The following GNB4 variants were observed in gnomAD, a reference collection of about 807,000 sequenced individuals.
The protein encoded by GNB4 is guanine nucleotide-binding protein subunit beta-4.
Under a neutral mutation model 45.2 loss-of-function variants are expected in GNB4, and 28 were observed. The observed-to-expected ratio is 0.62, with a 90% CI of 0.46 to 0.85. The LOEUF is 0.85. GNB4 is among the 40% of genes least tolerant of loss of function. The probability of loss-of-function intolerance (pLI) is 0.00; values close to 1 mark genes in which losing one functional copy is unlikely to be tolerated. For missense variants in GNB4, 321 were observed against 425.4 expected (o/e 0.75, Z 2.16); for synonymous variants, 132 against 143.7 (o/e 0.92, Z 0.58).
chr3:179,472,105 G>A, the GNB4 span, among the ~76,000 whole-genome samples: 2 of 151,664 alleles, frequency 1.3e-5, no homozygotes, highest in African/African-American at 4.8e-5. Flanking sequence ...TAAACGTAAA[G>A]GTAAACTCAC....
At chr3:179,522,942 G>A in the GNB4 span, among the ~76,000 whole-genome samples, 2 of 152,160 alleles carry the variant, frequency 1.3e-5, no homozygotes, top group African/African-American at 4.8e-5. Context: ...GTTGGGATGA[G>A]TTAGGGAGAG....
chr3:179,524,259 G>A, the GNB4 span, among the ~76,000 whole-genome samples: 1 of 152,246 alleles, frequency 6.6e-6, no homozygotes, highest in Non-Finnish European at 1.5e-5. Context: ...GGTTCCAGGG[G>A]CTCTGGGAGT....
chr3:179,425,766 C>T (rs1715130407), intron 2 of GNB4, among the ~76,000 whole-genome samples: 1 of 152,160 alleles, frequency 6.6e-6, no homozygotes, highest in African/African-American at 2.4e-5. Context: ...CCACTGTGCC[C>T]ACCCTAATGA....
At chr3:179,421,730 C>G (rs751751425) in intron 2 of GNB4, among the ~76,000 whole-genome samples, 13 of 152,366 alleles carry the variant, frequency 8.5e-5, no homozygotes, top group Admixed American at 5.2e-4. Context: ...CATGATCTTT[C>G]TGGCTGCCCT....
rs1714438192 is a variant in GNB4 at position 179,405,420 on chromosome 3, TAACA to T, written c.700-18_700-15del. On this transcript the variant is annotated splice_polypyrimidine_tract_variant and intron_variant, in intron 8 of 9. Coordinates refer to ENST00000232564, the MANE Select transcript of GNB4 (RefSeq NM_021629.4). ...ATTTGGGAAAAACTAGACAGGAAAGTAACAAACATTTATTCTACAGATGTATGCA... is the reference window on the plus strand; with the variant it reads ...ATTTGGGAAAAACTAGACAGGAAAGTAACATTTATTCTACAGATGTATGCA... The T allele has an allele frequency of 6.4e-7, 1 of 1,554,832 alleles. No individual in the cohort carries two copies. The highest frequency in any genetic ancestry group is 8.9e-7 in the Non-Finnish European group (1 of 1,129,548).
Position 179,405,309 on chromosome 3 carries a change from T to C in GNB4, c.797A>G (p.His266Arg), listed in dbSNP as rs375559586. ...RADQELLLYS[H>R]DNIICGITSV... ...AGTGATTCCACAGATGATATTGTCATGAGAATACAATAATAACTCTTGATC... is the reference window on the plus strand; with the variant it reads ...AGTGATTCCACAGATGATATTGTCACGAGAATACAATAATAACTCTTGATC... Residue 266 changes from histidine (H) to arginine (R), a missense_variant, in exon 9 of 10, where the codon CAT becomes CGT. Coordinates refer to ENST00000232564, the MANE Select transcript of GNB4 (RefSeq NM_021629.4). 42 of 1,614,044 alleles carry C rather than the reference T, an allele frequency of 2.6e-5. No individual in the cohort carries two copies. Among genetic ancestry groups the C allele is most frequent in the Non-Finnish European group, 3.4e-5 (40 of 1,180,014 alleles).
the GNB4 span, among the ~76,000 whole-genome samples, chr3:179,512,271 A>G: frequency 6.6e-6 from 1 of 152,246 alleles, no homozygotes; most frequent in South Asian, 2.1e-4. Flanking sequence ...CATTAAGAGC[A>G]TCTTCCTTTT....
At chr3:179,407,040 T>C (rs1344646377) in intron 8 of GNB4, among the ~76,000 whole-genome samples, 1 of 152,260 alleles carries the variant, frequency 6.6e-6, no homozygotes, top group Non-Finnish European at 1.5e-5. Context: ...CCAGCCAAAA[T>C]GGAGCAACAG....
intron 2 of GNB4, among the ~76,000 whole-genome samples, chr3:179,423,464 C>T (rs1175439526): frequency 6.6e-6 from 1 of 152,212 alleles, no homozygotes; most frequent in Non-Finnish European, 1.5e-5. Flanking sequence ...TCTTGCTTCA[C>T]AGCAAAGATA....
chr3:179,421,179 C>G (rs370468749), intron 2 of GNB4, among the ~76,000 whole-genome samples: 1 of 152,050 alleles, frequency 6.6e-6, no homozygotes, highest in Non-Finnish European at 1.5e-5. Context: ...TTTACATCAC[C>G]CCAAAAAAGA....
intron 4 of GNB4, among the ~76,000 whole-genome samples, chr3:179,418,886 T>C (rs1714894193): frequency 6.6e-6 from 1 of 152,276 alleles, no homozygotes; most frequent in Non-Finnish European, 1.5e-5. Context: ...GCTGTGCGTG[T>C]GCCTGTGCAC....
At chr3:179,463,934 C>T in the GNB4 span, among the ~76,000 whole-genome samples, 3 of 152,178 alleles carry the variant, frequency 2.0e-5, no homozygotes, top group Non-Finnish European at 4.4e-5. Context: ...CTGGCCAATA[C>T]TGTATTATAT....
At chr3:179,494,145 T>C in the GNB4 span, among the ~76,000 whole-genome samples, 2 of 152,184 alleles carry the variant, frequency 1.3e-5, no homozygotes, top group African/African-American at 4.8e-5. Context: ...ATTGATCCTT[T>C]TCCCTGGACC....
chr3:179,400,853 T>G lies in GNB4; in HGVS notation c.*360A>C, dbSNP rs1714274671. On this transcript the variant is annotated 3_prime_UTR_variant, in exon 10 of 10. Transcript: ENST00000232564. ...AAACTCAAAAATATGACATTTCTTG[T>G]GTATACAAAGTTAAAAATGTACTTC... 6.2e-6 allele frequency: 1 copy of G among 162,282 alleles called. No individual in the cohort carries two copies. Among genetic ancestry groups the G allele is most frequent in the Non-Finnish European group, 1.3e-5 (1 of 75,084 alleles). 10.1% of individuals were successfully genotyped at this position (162,282 alleles called of 1,614,324 possible). A position where few individuals can be genotyped will look rare whatever the true frequency, so the allele number is the denominator to read the frequency against.
At position 179,399,594 on chromosome 3, in the gene GNB4, C is replaced by T. The variant is rs1187772526; in HGVS notation, c.*1619G>A. 1 of 152,180 alleles carries T rather than the reference C, an allele frequency of 6.6e-6. No individual in the cohort carries two copies. Among genetic ancestry groups the T allele is most frequent in the East Asian group, 1.9e-4 (1 of 5,202 alleles). 9.4% of individuals were successfully genotyped at this position (152,180 alleles called of 1,614,324 possible). A position where few individuals can be genotyped will look rare whatever the true frequency, so the allele number is the denominator to read the frequency against. ...GTTTTGGTCCTATATCTTAATTTGC[C>T]TTTATCCACTTTATTATTCTAATTG... is the stretch of plus-strand genomic sequence containing the variant. On this transcript the variant is annotated 3_prime_UTR_variant, in exon 10 of 10. Transcript: ENST00000232564.
the GNB4 span, among the ~76,000 whole-genome samples, chr3:179,519,152 T>C: frequency 1.3e-5 from 2 of 152,188 alleles, no homozygotes; most frequent in Non-Finnish European, 2.9e-5. Context: ...GCCAGAAATA[T>C]GGCCACTGGG....
In GNB4 at chr3:179,400,723, T is replaced by A. The variant is rs1475730341; in HGVS notation, c.*490A>T. 6.6e-6 allele frequency: 1 copy of A among 152,272 alleles called. No individual in the cohort carries two copies. The highest frequency in any genetic ancestry group is 1.5e-5 in the Non-Finnish European group (1 of 68,126). 9.4% of individuals were successfully genotyped at this position (152,272 alleles called of 1,614,324 possible). On this transcript the variant is annotated 3_prime_UTR_variant, in exon 10 of 10. Coordinates refer to ENST00000232564, the MANE Select transcript of GNB4 (RefSeq NM_021629.4). ...TAAACATGAAGCTATCAGGATCTCT[T>A]AGATTCAAAGAGATATCAGAATTCA...
At chr3:179,484,802 A>G in the GNB4 span, among the ~76,000 whole-genome samples, 2 of 150,834 alleles carry the variant, frequency 1.3e-5, no homozygotes, top group African/African-American at 4.9e-5. Context: ...TCAATCAACT[A>G]TATCAACTAT....
At chr3:179,454,063 G>C (rs962282300), upstream of GNB4, among the ~76,000 whole-genome samples, 4 of 152,180 alleles carry the variant, frequency 2.6e-5, no homozygotes, top group Non-Finnish European at 4.4e-5. Flanking sequence ...AAAGGTGAAG[G>C]GGTATGCTAT....
Sources: allele counts gnomAD v4.1 joint callset (sites outside exome capture counted in the v4.1 genomes callset), GRCh38; gene constraint gnomAD v4.1.1; transcripts MANE v1.5; gene names NCBI Gene and HGNC (gene_info 2026-07-23, HGNC 2026-07-21).